POU6F2: variants seen among roughly 807,000 people sequenced by gnomAD.
POU6F2 encodes the protein POU domain, class 6, transcription factor 2.
A neutral mutation model predicts 71.3 loss-of-function variants in POU6F2; 31 were observed. That is an observed-to-expected ratio of 0.43 (90% CI 0.33 to 0.59). POU6F2 has a LOEUF of 0.59. Ranked by LOEUF, POU6F2 falls within the 20% of genes least tolerant of loss-of-function variation. The probability of loss-of-function intolerance (pLI) is 0.04; values close to 1 mark genes in which losing one functional copy is unlikely to be tolerated. For missense variants in POU6F2, 783 were observed against 856.8 expected, an observed-to-expected ratio of 0.91 and a Z score of 1.07; for synonymous variants, 347 against 355.7, an observed-to-expected ratio of 0.98 and a Z score of 0.27.
intron 1 of POU6F2, among the ~76,000 whole-genome samples, chr7:39,056,648 T>TC (rs1790525764): frequency 2.5e-5 from 3 of 117,934 alleles, no homozygotes; most frequent in African/African-American, 8.6e-5. Context: ...CTTTCTCTTT[T>TC]TCTCTCTCTC....
intron 4 of POU6F2, among the ~76,000 whole-genome samples, chr7:39,232,370 C>T (rs1272684640): frequency 6.6e-6 from 1 of 151,718 alleles, no homozygotes; most frequent in Non-Finnish European, 1.5e-5. Flanking sequence ...GTTTCTATTC[C>T]AAACCAAAAT....
At chr7:39,424,769 C>A (rs1024213923) in intron 6 of POU6F2, among the ~76,000 whole-genome samples, 2 of 151,808 alleles carry the variant, frequency 1.3e-5, no homozygotes, top group African/African-American at 2.4e-5. Context: ...ATATGTAACC[C>A]CAGATACTAT....
chr7:39,419,346 C>T (rs961958318), intron 6 of POU6F2, among the ~76,000 whole-genome samples: 10 of 151,798 alleles, frequency 6.6e-5, no homozygotes, highest in African/African-American at 1.9e-4. Flanking sequence ...TCAAGCGATT[C>T]TCCTGCCTCA....
intron 5 of POU6F2, among the ~76,000 whole-genome samples, chr7:39,378,526 C>T (rs1301203380): frequency 3.3e-5 from 5 of 152,066 alleles, no homozygotes; most frequent in Non-Finnish European, 1.5e-5. Context: ...AACCAAGAGT[C>T]AGAAGACAGA....
intron 7 of POU6F2, 55 bp from the exon 8 acceptor site, chr7:39,451,478 T>A: frequency 6.7e-7 from 1 of 1,498,298 alleles, no homozygotes. Context: ...TTCCCTGGCA[T>A]TTTTCCCCTA....
At position 39,207,614 on chromosome 7, in the gene POU6F2, C is replaced by G; in HGVS notation, c.592C>G (p.Leu198Val). 1 of 1,613,536 alleles carries G rather than the reference C, an allele frequency of 6.2e-7. No homozygotes were observed. The highest frequency in any genetic ancestry group is 8.5e-7 in the Non-Finnish European group (1 of 1,179,582). Reference sequence around the variant, plus strand: ...CATTATGACTCTGCCACTGCAAAATCTACAAGGTAATCCATAATGTCCATG... The same window carrying G: ...CATTATGACTCTGCCACTGCAAAATGTACAAGGTAATCCATAATGTCCATG... ...GGIMTLPLQN[L>V]QATSSLNSQL... Residue 198 changes from leucine to valine, a missense_variant, in exon 4 of 10, where the codon CTA becomes GTA. Around this residue, in one of 2 missense-constraint regions of POU6F2, gnomAD observed 572 missense variants for 572.9 expected, o/e 1.00. Transcript: ENST00000518318.
chr7:39,026,548 A>C (rs1789806848), intron 1 of POU6F2, among the ~76,000 whole-genome samples: 2 of 152,104 alleles, frequency 1.3e-5, no homozygotes, highest in Admixed American at 1.3e-4. Context: ...GGAATTGAAC[A>C]ATGAGAACAC....
chr7:39,201,106 G>A (rs1251706350), intron 2 of POU6F2, among the ~76,000 whole-genome samples: 6 of 152,048 alleles, frequency 3.9e-5, no homozygotes, highest in Admixed American at 1.3e-4. Context: ...GCAAGCATGC[G>A]CTGTTTCATG....
chr7:39,201,506 G>A (rs1793901789), intron 2 of POU6F2, among the ~76,000 whole-genome samples: 2 of 152,214 alleles, frequency 1.3e-5, no homozygotes, highest in Admixed American at 1.3e-4. Flanking sequence ...AAAAAGAAAT[G>A]TGAATGAAAT....
At chr7:39,137,630 A>T (rs548824722) in intron 2 of POU6F2, among the ~76,000 whole-genome samples, 1 of 152,344 alleles carries the variant, frequency 6.6e-6, no homozygotes, top group South Asian at 2.1e-4. Flanking sequence ...GTTGTCACAA[A>T]AAAGACAACA....
chr7:39,462,079 C>T (rs1439787946), intron 9 of POU6F2, among the ~76,000 whole-genome samples: 1 of 152,132 alleles, frequency 6.6e-6, no homozygotes, highest in Admixed American at 6.5e-5. Context: ...TATTTTTAGT[C>T]CTAAAACGTG....
At chr7:39,241,355 G>C (rs1488034646) in intron 4 of POU6F2, among the ~76,000 whole-genome samples, 1 of 152,092 alleles carries the variant, frequency 6.6e-6, no homozygotes, top group Non-Finnish European at 1.5e-5. Context: ...AATGAATATA[G>C]AAACAAATGG....
At chr7:39,348,010 G>A (rs1454020380) in intron 5 of POU6F2, among the ~76,000 whole-genome samples, 1 of 143,844 alleles carries the variant, frequency 7.0e-6, no homozygotes, top group Non-Finnish European at 1.6e-5. Context: ...AAATTAATAG[G>A]GAAATAACAT....
At chr7:39,373,994 A>G (rs913537567) in intron 5 of POU6F2, among the ~76,000 whole-genome samples, 2 of 152,226 alleles carry the variant, frequency 1.3e-5, no homozygotes, top group Admixed American at 6.5e-5. Context: ...CTATAAAAAT[A>G]TCACTTCTTA....
At position 39,464,358 on chromosome 7, in the gene POU6F2, C is replaced by T. The variant is rs1275378267; in HGVS notation, c.1835C>T (p.Ala612Val). 13 of 1,614,024 alleles carry T rather than the reference C, an allele frequency of 8.1e-6. No individual in the cohort carries two copies. The highest frequency in any genetic ancestry group is 1.7e-5 in the Admixed American group (1 of 60,022). The change falls in exon 10 of 10, where the codon GCT (alanine) becomes GTT (valine). Residue 612 changes from alanine (A) to valine (V), a missense_variant. Physicochemically the swap from Ala to Val is moderately conservative, Grantham distance 64. This residue lies in a region of POU6F2 where 211 missense variants were observed against 283.9 expected (regional missense o/e 0.74). Transcript: ENST00000518318. The surrounding 1 kb of genome is among the most constrained non-coding windows in gnomAD (Gnocchi z 4.1). ...KIKPVLERWM[A>V]EAEARHRAGM... is the part of the protein sequence containing the mutation. ...AAGCCGGTGCTTGAGCGGTGGATGG[C>T]TGAGGCTGAGGCCCGCCATCGAGCA...
chr7:39,458,608 G>A (rs779115389), intron 8 of POU6F2, among the ~76,000 whole-genome samples: 6 of 152,108 alleles, frequency 3.9e-5, no homozygotes, highest in East Asian at 1.9e-4. Flanking sequence ...GGGACGGCCC[G>A]AACAAATCTC....
chr7:39,002,973 T>C (rs1298229248), intron 1 of POU6F2, among the ~76,000 whole-genome samples: 1 of 152,224 alleles, frequency 6.6e-6, no homozygotes, highest in Non-Finnish European at 1.5e-5. Context: ...TAAGACTCAT[T>C]CATAATCTGT....
At chr7:39,322,316 C>T (rs1299355070) in intron 4 of POU6F2, among the ~76,000 whole-genome samples, 1 of 152,204 alleles carries the variant, frequency 6.6e-6, no homozygotes, top group East Asian at 1.9e-4. Flanking sequence ...CTCAACAGGG[C>T]AACGTGTTTG....
chr7:39,332,383 G>A (rs949525785), intron 4 of POU6F2, among the ~76,000 whole-genome samples: 7 of 152,188 alleles, frequency 4.6e-5, no homozygotes, highest in African/African-American at 1.7e-4. Flanking sequence ...CTTCAACGCT[G>A]TTTCCTGGGT....
Sources: gnomAD v4.1 joint callset for allele counts (sites outside exome capture counted in the v4.1 genomes callset) on GRCh38, gnomAD v4.1.1 for gene constraint, gnomAD v4.1.1 regional missense constraint, Gnocchi (gnomAD v3.1) non-coding constraint, MANE v1.5 for transcripts, NCBI Gene and HGNC (gene_info 2026-07-23, HGNC 2026-07-21) for gene names.